SORCS1: variants seen among roughly 807,000 people sequenced by gnomAD.
SORCS1 encodes sortilin related VPS10 domain containing receptor 1.
SORCS1 carries 60 observed loss-of-function variants against 146.1 expected under a neutral mutation model. That is an observed-to-expected ratio of 0.41 (90% confidence interval 0.33 to 0.51). The LOEUF (loss-of-function observed/expected upper bound fraction) is 0.51. Among genes scored for constraint, SORCS1 ranks in the 20% least tolerant of loss-of-function variants. The pLI is 0.21. For missense variants in SORCS1, 1,352 were observed against 1,487.6 expected, an observed-to-expected ratio of 0.91 and a Z score of 1.50; for synonymous variants, 637 against 584.0, an observed-to-expected ratio of 1.09 and a Z score of -1.31.
intron 3 of SORCS1, among the ~76,000 whole-genome samples, chr10:106,821,719 A>G (rs1193655503): frequency 6.6e-6 from 1 of 152,114 alleles, no homozygotes; most frequent in Non-Finnish European, 1.5e-5. Flanking sequence ...CAGGAGATCA[A>G]GACCATCCTG....
rs555015761 is a variant in SORCS1 at position 107,107,844 on chromosome 10, T to C, written c.558+56125A>G. Among the ~76,000 whole-genome samples the C allele has an allele frequency of 5.3e-5, 8 of 152,254 alleles. No individual in the cohort carries two copies. In the South Asian group the frequency reaches 8.3e-4, roughly 16 times the overall value. ...GCCCCATTTTCTCTTGGTCTTATTA[T>C]AAAAATCATCAGCAAAGAGGCCCAG... On this transcript the variant is annotated intron_variant, in intron 1 of 25. Transcript: ENST00000263054.
At chr10:106,744,165 C>T (rs1037581264) in intron 5 of SORCS1, among the ~76,000 whole-genome samples, 2 of 152,028 alleles carry the variant, frequency 1.3e-5, no homozygotes, top group African/African-American at 2.4e-5. Flanking sequence ...AGTGCAGTGG[C>T]GCGATCTCAG....
chr10:106,990,926 T>G lies in SORCS1; in HGVS notation c.559-34346A>C, dbSNP rs1025221141. Among the ~76,000 whole-genome samples, 10 of 152,356 alleles carry G rather than the reference T, an allele frequency of 6.6e-5. No homozygotes were observed. The South Asian group carries it at 2.1e-3, about 32-fold the overall frequency. ...TTTGCAAAATGAATGATTTTAAATT[T>G]GTGATTTCACAGTTATAATGCAGCT... On this transcript the variant is annotated intron_variant, in intron 1 of 25. Coordinates refer to ENST00000263054, the MANE Select transcript of SORCS1 (RefSeq NM_052918.5).
chr10:106,975,799 C>T (rs772551810), intron 1 of SORCS1, among the ~76,000 whole-genome samples: 4 of 152,170 alleles, frequency 2.6e-5, no homozygotes, highest in African/African-American at 9.7e-5. Flanking sequence ...CTTCTTTGAA[C>T]CACAATGAAT....
chr10:107,101,071 T>C (rs1260796487), intron 1 of SORCS1, among the ~76,000 whole-genome samples: 1 of 152,066 alleles, frequency 6.6e-6, no homozygotes, highest in East Asian at 1.9e-4. Flanking sequence ...TTTTTTTTCT[T>C]TTTTGGAGAC....
At chr10:107,139,245 C>T (rs1384380822) in intron 1 of SORCS1, among the ~76,000 whole-genome samples, 2 of 152,046 alleles carry the variant, frequency 1.3e-5, no homozygotes, top group Admixed American at 6.6e-5. Flanking sequence ...AAGCCAGAAA[C>T]ACACTTTTTA....
At chr10:106,685,319 T>A (rs901612068) in intron 10 of SORCS1, among the ~76,000 whole-genome samples, 1 of 152,146 alleles carries the variant, frequency 6.6e-6, no homozygotes, top group Non-Finnish European at 1.5e-5. Flanking sequence ...GCAGGTATGA[T>A]TCCTGGAGTT....
At chr10:106,614,698 A>G (rs1847237768) in intron 21 of SORCS1, among the ~76,000 whole-genome samples, 1 of 152,220 alleles carries the variant, frequency 6.6e-6, no homozygotes, top group East Asian at 1.9e-4. Context: ...AAGGACACAA[A>G]TGAGAAAATG....
At chr10:107,073,265 T>C (rs1183371860) in intron 1 of SORCS1, among the ~76,000 whole-genome samples, 2 of 152,358 alleles carry the variant, frequency 1.3e-5, no homozygotes, top group East Asian at 1.9e-4. Flanking sequence ...CGCTGACTTT[T>C]ACAATACTTT....
At position 106,868,455 on chromosome 10, in the gene SORCS1, A is replaced by C. The variant is rs1950298497; in HGVS notation, c.627-38782T>G. Among the ~76,000 whole-genome samples, 3 of 152,204 alleles carry C rather than the reference A, an allele frequency of 2.0e-5. No homozygotes were observed. The East Asian group carries it at 5.8e-4, about 29-fold the overall frequency. On this transcript the variant is annotated intron_variant, in intron 2 of 25. Transcript: ENST00000263054. ...TCGACCACATAACTGGACATAAAAC[A>C]ATCCCTGGCAAATGGAAAAGAACCA...
chr10:106,898,236 T>C (rs1409351089), intron 2 of SORCS1, among the ~76,000 whole-genome samples: 1 of 152,224 alleles, frequency 6.6e-6, no homozygotes, highest in African/African-American at 2.4e-5. Flanking sequence ...GCTCTTCAGA[T>C]TTCTTTAAAC....
chr10:106,629,128 T>C, intron 19 of SORCS1, 74 bp downstream of exon 19: 2 of 1,368,994 alleles, frequency 1.5e-6, no homozygotes, highest in Non-Finnish European at 2.0e-6. Flanking sequence ...CTTCTAGATA[T>C]AAAATTGTGA....
At chr10:106,969,905 T>C (rs1330585686) in intron 1 of SORCS1, 2 of 152,240 alleles carry the variant, frequency 1.3e-5, no homozygotes, top group African/African-American at 4.8e-5. Flanking sequence ...TAGATGCTCA[T>C]TAAGCCTTTT....
chr10:106,618,606 C>G lies in SORCS1; in HGVS notation c.2797-334G>C, dbSNP rs112979899. ...ACTCATATCAAGCAGATCCCTAATA[C>G]AAGGAAATGATCAAAGCAAATGAGA... On this transcript the variant is annotated intron_variant, in intron 20 of 25. Coordinates refer to ENST00000263054, the MANE Select transcript of SORCS1 (RefSeq NM_052918.5). 1.2e-3 allele frequency among the ~76,000 whole-genome samples: 183 copies of G among 152,252 alleles called. 2 individuals carry two copies. The highest frequency in any genetic ancestry group is 4.1e-3 in the African/African-American group (170 of 41,546).
chr10:106,819,615 C>T (rs912865396), intron 3 of SORCS1, among the ~76,000 whole-genome samples: 6 of 152,202 alleles, frequency 3.9e-5, no homozygotes, highest in African/African-American at 7.2e-5. Context: ...TGGGCAGCAG[C>T]GATGATATTT....
At chr10:107,152,654 A>C (rs1968920541) in intron 1 of SORCS1, among the ~76,000 whole-genome samples, 1 of 152,060 alleles carries the variant, frequency 6.6e-6, no homozygotes, top group South Asian at 2.1e-4. Flanking sequence ...TTCTGCTGTC[A>C]CATGAAGAAG....
chr10:106,707,871 G>A (rs1259661493), intron 7 of SORCS1, among the ~76,000 whole-genome samples: 3 of 152,160 alleles, frequency 2.0e-5, no homozygotes, highest in Non-Finnish European at 4.4e-5. Flanking sequence ...AATGACAGCT[G>A]GAGTCTGCAT....
chr10:106,906,770 C>G (rs1951926202), intron 2 of SORCS1, among the ~76,000 whole-genome samples: 1 of 152,122 alleles, frequency 6.6e-6, no homozygotes, highest in Admixed American at 6.5e-5. Flanking sequence ...AGTTCAGATA[C>G]AAACCTGAGA....
intron 6 of SORCS1, among the ~76,000 whole-genome samples, chr10:106,714,100 C>A (rs1373581982): frequency 7.6e-6 from 1 of 131,770 alleles, no homozygotes; most frequent in Non-Finnish European, 1.5e-5. Flanking sequence ...CACGGCACTG[C>A]ACTCCAGCCT....
Sources: allele counts gnomAD v4.1 joint callset (sites outside exome capture counted in the v4.1 genomes callset), GRCh38; gene constraint gnomAD v4.1.1; transcripts MANE v1.5; gene names NCBI Gene and HGNC (gene_info 2026-07-23, HGNC 2026-07-21).